TH: variants seen among roughly 807,000 people sequenced by gnomAD.
TH encodes tyrosine hydroxylase.
Under a neutral mutation model 57.4 loss-of-function variants are expected in TH, and 49 were observed. The observed-to-expected ratio is 0.85, with a 90% CI of 0.68 to 1.08. TH has a LOEUF of 1.08. Ranked by LOEUF, TH falls within the 50% of genes least tolerant of loss-of-function variation. The probability of loss-of-function intolerance (pLI) is 0.00; values close to 1 mark genes in which losing one functional copy is unlikely to be tolerated. For missense variants in TH, 720 were observed against 696.7 expected, an observed-to-expected ratio of 1.03 and a Z score of -0.38; for synonymous variants, 330 against 304.5, an observed-to-expected ratio of 1.08 and a Z score of -0.87.
At chr11:2,164,545 G>T (rs546198324) in intron 12 of TH, among the ~76,000 whole-genome samples, 153 bp from the exon 13 acceptor site, 24 of 152,126 alleles carry the variant, frequency 1.6e-4, no homozygotes, top group Non-Finnish European at 3.1e-4. Flanking sequence ...GGACACTGAG[G>T]CCTCTTCCAG....
rs752199740 is a variant in TH, at chr11:2,166,624, C to A, written c.977+9G>T. 6.3e-7 allele frequency: 1 copy of A among 1,581,176 alleles called. No individual in the cohort carries two copies. ...CACCCTCGGGCTGGCGGCCAGGGCG[C>A]GCACTCACGGCTCAGGGGAGTGCAT... On this transcript the variant is annotated intron_variant, in intron 8 of 12. Transcript: ENST00000352909.
chr11:2,166,512 G>A lies in TH; in HGVS notation c.1015C>T (p.Leu339=). ...CHELLGHVPM[L]ADRTFAQFSQ... is the part of the protein sequence containing the mutation. ...AACTGCGCGAAGGTGCGGTCGGCCAGCATGGGCACGTGCCCCAGCAGCTCG... is the reference window on the plus strand; with the variant it reads ...AACTGCGCGAAGGTGCGGTCGGCCAACATGGGCACGTGCCCCAGCAGCTCG... The change falls in exon 9 of 13, where the codon CTG becomes TTG. Residue 339 remains leucine, a synonymous_variant. Coordinates refer to ENST00000352909, the MANE Select transcript of TH (RefSeq NM_000360.4). 6.3e-7 allele frequency: 1 copy of A among 1,599,990 alleles called. No individual in the cohort carries two copies. Among genetic ancestry groups the A allele is most frequent in the South Asian group, 1.1e-5 (1 of 89,636 alleles).
rs773806238 is a variant in TH at position 2,168,606 on chromosome 11, C to T, written c.372G>A (p.Gly124=). The T allele has an allele frequency of 2.6e-5, 42 of 1,611,822 alleles. No homozygotes were observed. In the Admixed American group the frequency reaches 5.5e-4, roughly 21 times the overall value. The change falls in exon 3 of 13, where the codon GGG becomes GGA. Residue 124 remains glycine (G), a synonymous_variant. Transcript: ENST00000352909. ...GCACGAAGTACTCCAGGTGGGGGCC[C>T]CCAGCTCGCGGCCTCTGGGCGGGCC... is the stretch of plus-strand genomic sequence containing the variant. The part of the protein sequence containing the change: ...ETRPAQRPRA[G]GPHLEYFVRL...
In TH at chr11:2,170,409, C is replaced by A. The variant is rs1476035191; in HGVS notation, c.91-538G>T. The stretch of plus-strand genomic sequence containing the variant: ...GCCCCTCTGTGCCACCCCGCAGGCG[C>A]CCGCTCCTGGCTGCCTTGTCATCCC... On this transcript the variant is annotated intron_variant, in intron 1 of 12. Coordinates refer to ENST00000352909, the MANE Select transcript of TH (RefSeq NM_000360.4). This position sits in a 1 kb window ranked among gnomAD's most constrained non-coding sequence, Gnocchi z 6.0. Among the ~76,000 whole-genome samples, 1 of 152,144 alleles carries A rather than the reference C, an allele frequency of 6.6e-6. No individual in the cohort carries two copies. The highest frequency in any genetic ancestry group is 2.4e-5 in the African/African-American group (1 of 41,430).
rs1239427764 is a variant in TH at position 2,167,135 on chromosome 11, C to A, written c.696-103G>T. ...CTGCCTGCCTGAGCCCCTACCAACG[C>A]AGGCCTCTTGGGGACCCCTGAAGAC... On this transcript the variant is annotated intron_variant, in intron 6 of 12. Coordinates refer to ENST00000352909, the MANE Select transcript of TH (RefSeq NM_000360.4). 5 of 1,504,152 alleles carry A rather than the reference C, an allele frequency of 3.3e-6. No individual in the cohort carries two copies. In the African/African-American group the frequency reaches 6.9e-5, roughly 21 times the overall value. 93.2% of individuals were successfully genotyped at this position (1,504,152 alleles called of 1,614,324 possible). A position where few individuals can be genotyped will look rare whatever the true frequency, so the allele number is the denominator to read the frequency against.
At chr11:2,166,282 C>G (rs1454058868) in intron 9 of TH, 198 bp downstream of exon 9, 9 of 905,092 alleles carry the variant, frequency 9.9e-6, no homozygotes, top group Non-Finnish European at 1.5e-5. Context: ...CCCAGGTAGC[C>G]GGCAGGTGGC....
chr11:2,167,941 C>T lies in TH; in HGVS notation c.577-8G>A. ...CACCTGGTCCGAGAAGCCCTGAGGG[C>T]AGAGGGGATGCACGGGTCAGGAGGC... On this transcript the variant is annotated splice_polypyrimidine_tract_variant and splice_region_variant and intron_variant, in intron 4 of 12. Transcript: ENST00000352909. 1 of 1,611,590 alleles carries T rather than the reference C, an allele frequency of 6.2e-7. No individual in the cohort carries two copies. Among genetic ancestry groups the T allele is most frequent in the Admixed American group, 1.7e-5 (1 of 59,852 alleles).
intron 9 of TH, 53 bp downstream of exon 9, chr11:2,166,427 G>A: frequency 1.3e-6 from 2 of 1,527,030 alleles, no homozygotes; most frequent in Non-Finnish European, 8.8e-7. Context: ...GCCCGCCCCC[G>A]GCGCCAAGCC....
At chr11:2,167,371 C>G (rs1393728911) in intron 6 of TH, 64 bp downstream of exon 6, 1 of 1,534,374 alleles carries the variant, frequency 6.5e-7, no homozygotes, top group Non-Finnish European at 8.8e-7. Flanking sequence ...GGCCCTCACA[C>G]GCCAGGATTC....
In TH at chr11:2,165,310, A is replaced by G; in HGVS notation, c.1256T>C (p.Val419Ala). The change falls in exon 12 of 13, where the codon GTG becomes GCG. Residue 419 changes from valine to alanine, a missense_variant. Val to Ala is a moderately conservative substitution (Grantham distance 64). Coordinates refer to ENST00000352909, the MANE Select transcript of TH (RefSeq NM_000360.4). ...GTACGTCTGGTCTTGGTAGGGCTGC[A>G]CGGCCGCAGCCTCAGGGTCGAAGGC... ...IRAFDPEAAA[V>A]QPYQDQTYQS... The G allele has an allele frequency of 6.2e-7, 1 of 1,612,700 alleles. No homozygotes were observed. Among genetic ancestry groups the G allele is most frequent in the African/African-American group, 1.3e-5 (1 of 75,036 alleles).
At chr11:2,167,056 C>T (rs1846118135) in intron 6 of TH, 24 bp from the exon 7 acceptor site, 2 of 1,565,750 alleles carry the variant, frequency 1.3e-6, no homozygotes, top group Non-Finnish European at 1.7e-6. Context: ...GGCTCAGGGC[C>T]CTCTAATGCC....
At chr11:2,168,264 G>A in intron 3 of TH, 85 bp from the exon 4 acceptor site, 1 of 1,485,240 alleles carries the variant, frequency 6.7e-7, no homozygotes, top group Non-Finnish European at 9.4e-7. Flanking sequence ...TCCCCTACAA[G>A]ACTTCCGGGG....
rs1846269347 is a variant in TH at position 2,171,813 on chromosome 11, T to C, written c.-27A>G. On this transcript the variant is annotated 5_prime_UTR_variant, in exon 1 of 13. Transcript: ENST00000352909. The surrounding 1 kb of genome is among the most constrained non-coding windows in gnomAD (Gnocchi z 8.6). ...GCTCAGTGTGGAGGTCCGGGCTCCG[T>C]CTCCACAGCCCTGGCCCAGCAGCCT... 1.2e-6 allele frequency: 2 copies of C among 1,601,370 alleles called. No individual in the cohort carries two copies. The highest frequency in any genetic ancestry group is 1.7e-5 in the Admixed American group (1 of 59,886).
chr11:2,168,022 C>G, intron 4 of TH, 69 bp downstream of exon 4: 1 of 1,610,244 alleles, frequency 6.2e-7, no homozygotes. Flanking sequence ...AGACTCCTGT[C>G]CAGGGTTGGG....
At chr11:2,164,424 C>A in intron 12 of TH, 32 bp from the exon 13 acceptor site, 3 of 1,543,422 alleles carry the variant, frequency 1.9e-6, no homozygotes, top group Non-Finnish European at 2.6e-6. Flanking sequence ...CCCTCGTCAA[C>A]TGGCGGGCAG....
In TH at chr11:2,171,576, A is replaced by T; in HGVS notation, c.90+121T>A. ...GGCCTCCACATCCACGCCGCGTCCC[A>T]GGGGTTTGCATGGACCCTGAGCCTG... On this transcript the variant is annotated intron_variant, in intron 1 of 12. Coordinates refer to ENST00000352909, the MANE Select transcript of TH (RefSeq NM_000360.4). The surrounding 1 kb of genome is among the most constrained non-coding windows in gnomAD (Gnocchi z 8.6). 9.3e-7 allele frequency: 1 copy of T among 1,078,768 alleles called. No homozygotes were observed. Among genetic ancestry groups the T allele is most frequent in the Non-Finnish European group, 1.4e-6 (1 of 727,032 alleles). The allele number at this position is 1,078,768 out of a possible 1,614,324, so 66.8% of individuals were successfully genotyped here.
intron 11 of TH, 77 bp downstream of exon 11, chr11:2,165,572 GGCCTCAGTTTCCTCCCACT>G: frequency 7.1e-7 from 1 of 1,407,290 alleles, no homozygotes; most frequent in Admixed American, 1.9e-5. Flanking sequence ...TGGAGGTCCA[GGCCTCAGTTTCCTCCCACT>G]GGGAGCCTGT....
intron 4 of TH, 70 bp downstream of exon 4, chr11:2,168,021 T>C (rs1399642435): frequency 1.8e-5 from 29 of 1,610,044 alleles, no homozygotes; most frequent in Non-Finnish European, 2.4e-5. Context: ...CAGACTCCTG[T>C]CCAGGGTTGG....
intron 5 of TH, 116 bp downstream of exon 5, chr11:2,167,750 G>T: frequency 1.5e-6 from 2 of 1,297,400 alleles, no homozygotes. Flanking sequence ...TGCCTGGCAG[G>T]AGGCACTGAT....
Sources: gnomAD v4.1 joint callset for allele counts (sites outside exome capture counted in the v4.1 genomes callset) on GRCh38, gnomAD v4.1.1 for gene constraint, Gnocchi (gnomAD v3.1) non-coding constraint, MANE v1.5 for transcripts, NCBI Gene and HGNC (gene_info 2026-07-23, HGNC 2026-07-21) for gene names.